Variants in ROR1 observed in about 807,000 individuals in gnomAD.
The protein encoded by ROR1 is inactive tyrosine-protein kinase transmembrane receptor ROR1.
Under a neutral mutation model 78.8 loss-of-function variants are expected in ROR1, and 19 were observed. The observed-to-expected ratio is 0.24, with a 90% CI of 0.17 to 0.35. ROR1 has a LOEUF of 0.35. Among genes scored for constraint, ROR1 ranks in the 10% least tolerant of loss-of-function variants. The pLI, the probability that ROR1 is intolerant of heterozygous loss-of-function variation, is 1.00. For synonymous variants in ROR1, 386 were observed against 433.6 expected (o/e 0.89, Z 1.36); for missense variants, 917 against 1,177.8 (o/e 0.78, Z 3.24).
intron 1 of ROR1, among the ~76,000 whole-genome samples, chr1:63,900,102 A>C (rs775774128): frequency 6.6e-6 from 1 of 152,094 alleles, no homozygotes; most frequent in African/African-American, 2.4e-5. Context: ...CATGCTTACC[A>C]CTGACTCTGA....
chr1:63,981,614 T>C (rs1420286906), intron 1 of ROR1, among the ~76,000 whole-genome samples: 1 of 152,110 alleles, frequency 6.6e-6, no homozygotes, highest in Admixed American at 6.6e-5. Context: ...GGCTGCTTCA[T>C]GATGTCTTGA....
rs1649855367 is a variant in ROR1, at chr1:64,158,975, A to T, written c.1175-6A>T. On this transcript the variant is annotated splice_polypyrimidine_tract_variant and splice_region_variant and intron_variant, in intron 7 of 8. Transcript: ENST00000371079. ...AACTTTTGCTCTTTTTCATTTCTGC[A>T]CCCAGATTCAAAGGATTCCAAGGAG... 1 of 1,611,452 alleles carries T rather than the reference A, an allele frequency of 6.2e-7. No individual in the cohort carries two copies. The highest frequency in any genetic ancestry group is 8.5e-7 in the Non-Finnish European group (1 of 1,177,682).
chr1:64,146,121 C>A (rs1649466075), intron 7 of ROR1, among the ~76,000 whole-genome samples: 1 of 152,196 alleles, frequency 6.6e-6, no homozygotes, highest in African/African-American at 2.4e-5. Context: ...CTGCCTTGGC[C>A]TCCTGAGTAC....
intron 1 of ROR1, among the ~76,000 whole-genome samples, chr1:64,006,712 G>A (rs550826473): frequency 6.6e-6 from 1 of 152,292 alleles, no homozygotes; most frequent in South Asian, 2.1e-4. Flanking sequence ...GGCTCAGGAC[G>A]TTGGAGGAAA....
intron 2 of ROR1, among the ~76,000 whole-genome samples, chr1:64,035,279 G>GC (rs1646693099): frequency 1.3e-5 from 2 of 152,180 alleles, no homozygotes; most frequent in Non-Finnish European, 2.9e-5. Flanking sequence ...TTTCTAAAGT[G>GC]GCTTTGGAAA....
chr1:64,100,703 CCTACACATAGCTG>C (rs1363255510), intron 4 of ROR1, among the ~76,000 whole-genome samples: 1 of 152,092 alleles, frequency 6.6e-6, no homozygotes, highest in African/African-American at 2.4e-5. Flanking sequence ...AATGATCAAG[CCTACACATAGCTG>C]AGTCGTAACA....
intron 1 of ROR1, among the ~76,000 whole-genome samples, chr1:63,957,611 A>G (rs376762573): frequency 1.3e-5 from 2 of 152,172 alleles, no homozygotes; most frequent in East Asian, 1.9e-4. Context: ...TCTTCAAAAC[A>G]TGATCTCCAC....
intron 8 of ROR1, 98 bp from the exon 9 acceptor site, chr1:64,177,330 T>C (rs1238789934): frequency 1.6e-5 from 14 of 890,528 alleles, no homozygotes; most frequent in Non-Finnish European, 2.5e-5. Context: ...AATTTGTTTA[T>C]AGAACCTTTT....
chr1:64,134,932 A>G (rs1649050204), intron 4 of ROR1, among the ~76,000 whole-genome samples: 1 of 152,032 alleles, frequency 6.6e-6, no homozygotes, highest in Non-Finnish European at 1.5e-5. Flanking sequence ...TATTTTTAGT[A>G]GAGATGGGGT....
chr1:63,949,454 G>C (rs1449500847), intron 1 of ROR1, among the ~76,000 whole-genome samples: 6 of 152,164 alleles, frequency 3.9e-5, no homozygotes, highest in South Asian at 2.1e-4. Flanking sequence ...TGTTTCTGTA[G>C]AAACCTGAAC....
At chr1:63,934,370 A>G (rs1051564609) in intron 1 of ROR1, among the ~76,000 whole-genome samples, 3 of 152,194 alleles carry the variant, frequency 2.0e-5, no homozygotes, top group African/African-American at 7.2e-5. Context: ...TTAGATGGGC[A>G]TGATGCTGGT....
At chr1:64,110,157 G>C (rs1426014289) in intron 4 of ROR1, among the ~76,000 whole-genome samples, 2 of 152,198 alleles carry the variant, frequency 1.3e-5, no homozygotes, top group African/African-American at 4.8e-5. Context: ...TGATGAACAA[G>C]TGCAGTTAGA....
At chr1:63,988,646 A>C (rs926884259) in intron 1 of ROR1, among the ~76,000 whole-genome samples, 1 of 151,860 alleles carries the variant, frequency 6.6e-6, no homozygotes, top group African/African-American at 2.4e-5. Flanking sequence ...ATTCCACCCC[A>C]CCCTGCCTCT....
chr1:63,926,009 T>C (rs1645700059), intron 1 of ROR1, among the ~76,000 whole-genome samples: 2 of 151,264 alleles, frequency 1.3e-5, no homozygotes, highest in South Asian at 4.2e-4. Flanking sequence ...GCAGAAGCTC[T>C]TTAGTTTAAT....
intron 1 of ROR1, among the ~76,000 whole-genome samples, chr1:63,780,652 A>G (rs1191541806): frequency 2.6e-5 from 4 of 152,152 alleles, no homozygotes; most frequent in African/African-American, 4.8e-5. Flanking sequence ...AGGACTCCAG[A>G]GTGTTTTGTT....
intron 2 of ROR1, among the ~76,000 whole-genome samples, chr1:64,021,150 T>C (rs1470163473): frequency 7.0e-6 from 1 of 143,262 alleles, no homozygotes; most frequent in Non-Finnish European, 1.5e-5. Flanking sequence ...ATGATTTCAT[T>C]ATCTGTGGGC....
chr1:63,883,660 C>T (rs939001426), intron 1 of ROR1, among the ~76,000 whole-genome samples: 9 of 152,196 alleles, frequency 5.9e-5, no homozygotes, highest in African/African-American at 9.6e-5. Context: ...GATTGGCATC[C>T]TCTGCCATTG....
At chr1:63,864,796 C>CTTTT (rs757581149) in intron 1 of ROR1, among the ~76,000 whole-genome samples, 1 of 138,062 alleles carries the variant, frequency 7.2e-6, no homozygotes, top group African/African-American at 2.6e-5. Context: ...ATCTTTCAAT[C>CTTTT]TTTTTTTTTT....
At position 64,140,407 on chromosome 1, in the gene ROR1, G is replaced by T. The variant is rs1649271586; in HGVS notation, c.909G>T (p.Met303Ile). ...AANCIRIGIP[M>I]ADPINKNHKC... ...ACTGTATCCGGATTGGAATTCCCATGGCAGATCCTATAAATAAAAGTAAGT... is the reference window on the plus strand; with the variant it reads ...ACTGTATCCGGATTGGAATTCCCATTGCAGATCCTATAAATAAAAGTAAGT... The change falls in exon 6 of 9, where the codon ATG becomes ATT. Residue 303 changes from methionine (M) to isoleucine (I), a missense_variant. Coordinates refer to ENST00000371079, the MANE Select transcript of ROR1 (RefSeq NM_005012.4). 6.2e-7 allele frequency: 1 copy of T among 1,613,226 alleles called. No individual in the cohort carries two copies. Among genetic ancestry groups the T allele is most frequent in the Non-Finnish European group, 8.5e-7 (1 of 1,179,392 alleles).
Sources: gnomAD v4.1 joint callset for allele counts (sites outside exome capture counted in the v4.1 genomes callset) on GRCh38, gnomAD v4.1.1 for gene constraint, MANE v1.5 for transcripts, NCBI Gene and HGNC (gene_info 2026-07-23, HGNC 2026-07-21) for gene names.